Variants in RNF213 observed in about 807,000 individuals in gnomAD.
RNF213 encodes ring finger protein 213, also known as E3 ubiquitin-protein ligase RNF213.
In RNF213, 341 loss-of-function variants were observed where a neutral mutation model predicts 514.4. The ratio of observed to expected loss-of-function variants is 0.66; its 90% CI spans 0.61 to 0.73. The LOEUF (loss-of-function observed/expected upper bound fraction) is 0.73. Among genes scored for constraint, RNF213 ranks in the 30% least tolerant of loss-of-function variants. The probability of loss-of-function intolerance (pLI) is 0.00; values close to 1 mark genes in which losing one functional copy is unlikely to be tolerated. For missense variants in RNF213, 5,767 were observed against 6,615.6 expected (o/e 0.87, Z 4.45); for synonymous variants, 2,655 against 2,658.2 (o/e 1.00, Z 0.04).
chr17:80,360,847 GCCTTCT>G (rs1170984327), intron 38 of RNF213, among the ~76,000 whole-genome samples: 6 of 152,180 alleles, frequency 3.9e-5, no homozygotes, highest in Admixed American at 3.9e-4. Context: ...ACTCAGGGTG[GCCTTCT>G]TTTCTAGGTT....
At chr17:80,378,326 TG>T (rs993587789) in intron 54 of RNF213, among the ~76,000 whole-genome samples, 4 of 152,156 alleles carry the variant, frequency 2.6e-5, no homozygotes, top group Non-Finnish European at 5.9e-5. Flanking sequence ...CTGTGCGCCA[TG>T]GGGGAAGAAC....
At chr17:80,360,361 C>A in intron 38 of RNF213, 155 bp downstream of exon 38, 1 of 825,020 alleles carries the variant, frequency 1.2e-6, no homozygotes, top group Non-Finnish European at 2.0e-6. Flanking sequence ...CAATTTACGT[C>A]ACCGCGTCAT....
intron 3 of RNF213, among the ~76,000 whole-genome samples, chr17:80,275,093 T>C (rs1371592611): frequency 1.8e-5 from 2 of 109,842 alleles, no homozygotes; most frequent in Non-Finnish European, 3.7e-5. Context: ...GTGTGTTGGG[T>C]GTGTGTGTGT....
chr17:80,349,630 T>A (rs1276927094), intron 29 of RNF213, 140 bp from the exon 30 acceptor site: 13 of 999,590 alleles, frequency 1.3e-5, no homozygotes, highest in Admixed American at 1.0e-4. Context: ...GAAACTCCTT[T>A]GGGTTTGGAT....
intron 39 of RNF213, among the ~76,000 whole-genome samples, 166 bp downstream of exon 39, chr17:80,362,054 C>G (rs141327958): frequency 2.6e-5 from 4 of 152,144 alleles, no homozygotes; most frequent in Non-Finnish European, 5.9e-5. Context: ...CGCCCAGTCT[C>G]CTCTCAATAT....
intron 59 of RNF213, chr17:80,384,822 TC>T (rs2080168561): frequency 1.7e-6 from 1 of 603,988 alleles, no homozygotes; most frequent in Admixed American, 2.4e-5. Context: ...GAGGCTGGGC[TC>T]CCTCTTCGCC....
intron 64 of RNF213, 35 bp from the exon 65 acceptor site, chr17:80,389,138 C>G (rs776209147): frequency 1.2e-6 from 2 of 1,603,446 alleles, no homozygotes; most frequent in Admixed American, 1.7e-5. Flanking sequence ...GAAACCCAGC[C>G]CACAGACATC....
At chr17:80,356,240 G>T (rs1388367115) in intron 36 of RNF213, among the ~76,000 whole-genome samples, 2 of 152,320 alleles carry the variant, frequency 1.3e-5, no homozygotes, top group East Asian at 3.9e-4. Flanking sequence ...GACCTCAGGT[G>T]ATCCACTCGC....
At chr17:80,283,424 G>A (rs927219323) in intron 3 of RNF213, among the ~76,000 whole-genome samples, 1 of 152,220 alleles carries the variant, frequency 6.6e-6, no homozygotes, top group Non-Finnish European at 1.5e-5. Context: ...TCCAGGAACT[G>A]GATCACGGTC....
At chr17:80,340,874 G>A (rs1028006305) in intron 26 of RNF213, 1 of 155,094 alleles carries the variant, frequency 6.4e-6, no homozygotes, top group South Asian at 1.9e-4. Flanking sequence ...GCGTGATCTC[G>A]GCTCACTGCA....
rs148301460 is a variant in RNF213 at position 80,347,130 on chromosome 17, T to C, written c.8795T>C (p.Phe2932Ser). 2 of 1,613,800 alleles carry C rather than the reference T, an allele frequency of 1.2e-6. No homozygotes were observed. Among genetic ancestry groups the C allele is most frequent in the African/African-American group, 2.7e-5 (2 of 74,840 alleles). The change falls in exon 29 of 68, where the codon TTT becomes TCT. Residue 2932 changes from phenylalanine (F) to serine (S), a missense_variant. This residue lies in a region of RNF213 where 919 missense variants were observed against 1,121.0 expected (regional missense o/e 0.82). Transcript: ENST00000582970. The surrounding 1 kb of genome is among the most constrained non-coding windows in gnomAD (Gnocchi z 7.2). ...GTCCAGGACCGAGTCCAAGGGTACT[T>C]TGCGTCCTTTGCCAAAGCCTACGAA... is the stretch of plus-strand genomic sequence containing the variant. ...ILVQDRVQGY[F>S]ASFAKAYETV...
intron 56 of RNF213, chr17:80,381,211 ACT>A (rs1213724813): frequency 4.4e-5 from 27 of 618,442 alleles, no homozygotes; most frequent in Middle Eastern, 4.3e-4. Context: ...TCAAATTAAC[ACT>A]CTGTGTCTCT....
At chr17:80,350,183 A>G (rs2078455846) in intron 30 of RNF213, 118 bp from the exon 31 acceptor site, 1 of 797,278 alleles carries the variant, frequency 1.3e-6, no homozygotes, top group Non-Finnish European at 2.1e-6. Context: ...TACTGAAGAA[A>G]ATCCTACCTG....
rs764690017 is a variant in RNF213 at position 80,385,006 on chromosome 17, A to G, written c.14323-33A>G. 3.1e-6 allele frequency: 5 copies of G among 1,613,530 alleles called. No homozygotes were observed. In the African/African-American group the frequency reaches 4.0e-5, roughly 13 times the overall value. On this transcript the variant is annotated intron_variant, in intron 59 of 67. Transcript: ENST00000582970. ...CCCAATAACATTTTTTAGGTAAATA[A>G]AAATTGTTACTGGGTGGTCTTCCCT...
intron 3 of RNF213, among the ~76,000 whole-genome samples, chr17:80,286,728 A>T (rs1398659588): frequency 6.6e-6 from 1 of 152,020 alleles, no homozygotes; most frequent in African/African-American, 2.4e-5. Context: ...GCTGCCTGGC[A>T]GTTTGGGGCC....
chr17:80,392,966 TC>T (rs972036810), intron 67 of RNF213, among the ~76,000 whole-genome samples: 6 of 149,946 alleles, frequency 4.0e-5, no homozygotes, highest in Non-Finnish European at 7.4e-5. Context: ...GACTGATTGG[TC>T]CCCTTATGTT....
rs947894965 is a variant in RNF213, at chr17:80,263,019, C to T, written c.-108-555C>T. Among the ~76,000 whole-genome samples the T allele has an allele frequency of 6.6e-6, 1 of 152,180 alleles. No individual in the cohort carries two copies. The highest frequency in any genetic ancestry group is 1.5e-5 in the Non-Finnish European group (1 of 68,032). On this transcript the variant is annotated intron_variant, in intron 1 of 67. Transcript: ENST00000582970. This position sits in a 1 kb window ranked among gnomAD's most constrained non-coding sequence, Gnocchi z 4.9. ...CCTCCACTGTTAGGTGGCCAAGCGC[C>T]CAAACGCCATCTCCACTCTCACCCT...
chr17:80,345,469 C>T lies in RNF213; in HGVS notation c.7134C>T (p.Cys2378=). The change falls in exon 29 of 68, where the codon TGC becomes TGT. Residue 2378 remains cysteine (C), a synonymous_variant. Coordinates refer to ENST00000582970, the MANE Select transcript of RNF213 (RefSeq NM_001256071.3). The surrounding 1 kb of genome is among the most constrained non-coding windows in gnomAD (Gnocchi z 6.0). The part of the protein sequence containing the change: ...LPRHKKLERL[C]LTLGIPQATD... ...GACACAAGAAACTTGAGAGGCTCTGCCTGACCTTAGGGATCCCCCAGGCCA... is the reference window on the plus strand; with the variant it reads ...GACACAAGAAACTTGAGAGGCTCTGTCTGACCTTAGGGATCCCCCAGGCCA... The T allele has an allele frequency of 1.9e-6, 3 of 1,611,096 alleles. No individual in the cohort carries two copies. The highest frequency in any genetic ancestry group is 2.5e-6 in the Non-Finnish European group (3 of 1,177,928).
Position 80,396,409 on chromosome 17 carries a change from A to ATT in RNF213, c.*2911_*2912insTT. ...TTCAGGCAATTCCAATTTAGAAACA[A>ATT]ACTTCCAGTGATAAATATTGGGAAG... On this transcript the variant is annotated 3_prime_UTR_variant, in exon 68 of 68. Transcript: ENST00000582970. The ATT allele has an allele frequency of 6.6e-6, 1 of 152,320 alleles. No homozygotes were observed. Among genetic ancestry groups the ATT allele is most frequent in the South Asian group, 2.1e-4 (1 of 4,828 alleles). The allele number at this position is 152,320 out of a possible 1,614,324, so 9.4% of individuals were successfully genotyped here. A position where few individuals can be genotyped will look rare whatever the true frequency, so the allele number is the denominator to read the frequency against.
Sources: allele counts gnomAD v4.1 joint callset (sites outside exome capture counted in the v4.1 genomes callset), GRCh38; gene constraint gnomAD v4.1.1; regional missense constraint gnomAD v4.1.1; non-coding constraint Gnocchi (gnomAD v3.1); transcripts MANE v1.5; gene names NCBI Gene and HGNC (gene_info 2026-07-23, HGNC 2026-07-21).